Variants in ZFP90 observed in about 807,000 individuals in gnomAD.
The protein encoded by ZFP90 is zinc finger protein 90 homolog.
In ZFP90, 38 loss-of-function variants were observed where a neutral mutation model predicts 60.8. The observed-to-expected ratio is 0.62, with a 90% confidence interval of 0.48 to 0.82. The LOEUF is 0.82. Among genes scored for constraint, ZFP90 ranks in the 40% least tolerant of loss-of-function variants. ZFP90 has a pLI of 0.00. For missense variants in ZFP90, 711 were observed against 759.1 expected (o/e 0.94, Z 0.74); for synonymous variants, 287 against 264.8 (o/e 1.08, Z -0.82).
At chr16:68,549,946 G>T (rs1385407527) in intron 2 of ZFP90, among the ~76,000 whole-genome samples, 1 of 152,178 alleles carries the variant, frequency 6.6e-6, no homozygotes, top group Non-Finnish European at 1.5e-5. Context: ...CTGGGCCAAA[G>T]AGTCCATGTG....
intron 2 of ZFP90, among the ~76,000 whole-genome samples, chr16:68,549,216 G>A (rs538917812): frequency 1.3e-5 from 2 of 152,266 alleles, no homozygotes; most frequent in Admixed American, 6.5e-5. Flanking sequence ...GCCTAGCAGC[G>A]AGTGTTCAAG....
At chr16:68,559,734 A>AT (rs1398569186) in intron 4 of ZFP90, among the ~76,000 whole-genome samples, 1 of 151,658 alleles carries the variant, frequency 6.6e-6, no homozygotes, top group Non-Finnish European at 1.5e-5. Context: ...CACCCGGCTA[A>AT]TTTTTTGTAT....
chr16:68,539,877 A>AT (rs2091008366), intron 2 of ZFP90, 52 bp downstream of exon 2: 2 of 1,589,002 alleles, frequency 1.3e-6, no homozygotes, highest in African/African-American at 2.7e-5. Flanking sequence ...TATCCATCCC[A>AT]TCTCCCAAGG....
At chr16:68,561,004 C>T (rs896487011) in intron 4 of ZFP90, among the ~76,000 whole-genome samples, 1 of 152,068 alleles carries the variant, frequency 6.6e-6, no homozygotes, top group Non-Finnish European at 1.5e-5. Context: ...AAGCAATGCT[C>T]CTGCCTCAGC....
At chr16:68,544,474 A>C (rs2091109276) in intron 2 of ZFP90, among the ~76,000 whole-genome samples, 1 of 152,212 alleles carries the variant, frequency 6.6e-6, no homozygotes, top group Admixed American at 6.5e-5. Flanking sequence ...AAAATGCTTC[A>C]TATGGAGAAC....
chr16:68,570,051 CGTGTGT>C (rs3053783), downstream of ZFP90, among the ~76,000 whole-genome samples: 2 of 150,152 alleles, frequency 1.3e-5, no homozygotes, highest in African/African-American at 4.9e-5. Context: ...TGTGTGTATA[CGTGTGT>C]GTGTGTGTGT....
Position 68,543,440 on chromosome 16 carries a change from CTAGGAGCAGAGATG to C in ZFP90, c.33+3616_33+3629del, listed in dbSNP as rs1303744290. On this transcript the variant is annotated intron_variant, in intron 2 of 4. Coordinates refer to ENST00000563169, the MANE Select transcript of ZFP90 (RefSeq NM_001305203.2). ...TGGCTCCACCTGAAGCGGGATGGGA[CTAGGAGCAGAGATG>C]GAGGAGCCGGGATACCCATTTAGAA... Among the ~76,000 whole-genome samples the C allele has an allele frequency of 2.0e-5, 3 of 152,080 alleles. No individual in the cohort carries two copies. In the East Asian group the frequency reaches 5.8e-4, roughly 29 times the overall value.
intron 2 of ZFP90, among the ~76,000 whole-genome samples, chr16:68,546,288 A>G (rs1225473522): frequency 2.6e-5 from 4 of 152,198 alleles, no homozygotes; most frequent in Non-Finnish European, 4.4e-5. Context: ...ACATAAGACA[A>G]TCTTAAGTGT....
chr16:68,563,592 C>G lies in ZFP90; in HGVS notation c.805C>G (p.Leu269Val). ...GAAAACCTTTCTCTGGAAGACACAG[C>G]TTACTGAGCATCAGAGAATTCACAC... ...CGKTFLWKTQ[L>V]TEHQRIHTGE... The change falls in exon 5 of 5, where the codon CTT becomes GTT. Residue 269 changes from leucine to valine, a missense_variant. Leu to Val is a conservative substitution (Grantham distance 32, BLOSUM62 1). Coordinates refer to ENST00000563169, the MANE Select transcript of ZFP90 (RefSeq NM_001305203.2). The G allele has an allele frequency of 6.2e-7, 1 of 1,614,216 alleles. No individual in the cohort carries two copies. Among genetic ancestry groups the G allele is most frequent in the Non-Finnish European group, 8.5e-7 (1 of 1,180,032 alleles).
At chr16:68,571,870 G>C (rs1481768159), downstream of ZFP90, among the ~76,000 whole-genome samples, 2 of 152,122 alleles carry the variant, frequency 1.3e-5, no homozygotes, top group African/African-American at 2.4e-5. Flanking sequence ...TGCCTTTTGA[G>C]GCACCAATTA....
At chr16:68,569,942 T>C (rs1018665383), downstream of ZFP90, among the ~76,000 whole-genome samples, 1 of 152,152 alleles carries the variant, frequency 6.6e-6, no homozygotes, top group African/African-American at 2.4e-5. Context: ...GCATAATTCC[T>C]ACAGTTGTTC....
chr16:68,566,393 T>C lies in ZFP90; in HGVS notation c.*1695T>C, dbSNP rs569950536. ...TCATGGGGCAAGATATTGGTCGTAT[T>C]GATGGTGAACCTTTCCTACTGGATT... On this transcript the variant is annotated 3_prime_UTR_variant, in exon 5 of 5. Coordinates refer to ENST00000563169, the MANE Select transcript of ZFP90 (RefSeq NM_001305203.2). 6 of 985,582 alleles carry C rather than the reference T, an allele frequency of 6.1e-6. No homozygotes were observed. The South Asian group carries it at 2.8e-4, about 46-fold the overall frequency. 61.1% of individuals were successfully genotyped at this position (985,582 alleles called of 1,614,324 possible). A position where few individuals can be genotyped will look rare whatever the true frequency, so the allele number is the denominator to read the frequency against.
rs1336163771 is a variant in ZFP90 at position 68,539,307 on chromosome 16, CACCGCTGCGGCCATTGTCCG to C, written c.-204_-185del. 6.2e-6 allele frequency: 1 copy of C among 162,224 alleles called. No individual in the cohort carries two copies. Among genetic ancestry groups the C allele is most frequent in the Non-Finnish European group, 1.3e-5 (1 of 75,132 alleles). 10.0% of individuals were successfully genotyped at this position (162,224 alleles called of 1,614,324 possible). A position where few individuals can be genotyped will look rare whatever the true frequency, so the allele number is the denominator to read the frequency against. On this transcript the variant is annotated 5_prime_UTR_variant, in exon 1 of 5. Transcript: ENST00000563169. ...CGCAGGCGCACTTCCAGTTCTGCCC[CACCGCTGCGGCCATTGTCCG>C]ACCCCGGTGCGGCTGAGGCCCCTTT...
intron 4 of ZFP90, among the ~76,000 whole-genome samples, chr16:68,560,489 A>G (rs1318826546): frequency 1.3e-5 from 2 of 152,164 alleles, no homozygotes; most frequent in African/African-American, 4.8e-5. Context: ...ATTCCATTGT[A>G]TGGATATATC....
At chr16:68,558,300 GTCTT>G in intron 3 of ZFP90, 169 bp from the exon 4 acceptor site, 1 of 1,194,420 alleles carries the variant, frequency 8.4e-7, no homozygotes, top group South Asian at 1.3e-5. Context: ...TAGGTAAAAG[GTCTT>G]TATTTTGCAA....
chr16:68,572,806 G>A (rs1226865980), intron 2 of ZFP90, among the ~76,000 whole-genome samples: 2 of 152,242 alleles, frequency 1.3e-5, no homozygotes, highest in Non-Finnish European at 2.9e-5. Flanking sequence ...TGTGTTCCCT[G>A]TAGTGTGGAG....
intron 3 of ZFP90, 136 bp downstream of exon 3, chr16:68,558,260 C>T: frequency 7.2e-7 from 1 of 1,379,806 alleles, no homozygotes; most frequent in East Asian, 2.3e-5. Flanking sequence ...TCATTGGGAC[C>T]CAGTTTTATG....
intron 4 of ZFP90, 41 bp from the exon 5 acceptor site, chr16:68,563,003 A>G: frequency 6.2e-7 from 1 of 1,610,824 alleles, no homozygotes; most frequent in Non-Finnish European, 8.5e-7. Flanking sequence ...GTATTTCAAC[A>G]GGAAGGAATA....
upstream of ZFP90, among the ~76,000 whole-genome samples, chr16:68,538,555 G>C (rs1444021031): frequency 1.3e-5 from 2 of 152,026 alleles, no homozygotes; most frequent in Non-Finnish European, 2.9e-5. Context: ...TACAAAATTA[G>C]ACGGGCCTGG....
Sources: gnomAD v4.1 joint callset for allele counts (sites outside exome capture counted in the v4.1 genomes callset) on GRCh38, gnomAD v4.1.1 for gene constraint, MANE v1.5 for transcripts, NCBI Gene and HGNC (gene_info 2026-07-23, HGNC 2026-07-21) for gene names.